Variants in ATP6V0D2 observed in about 807,000 individuals in gnomAD.
ATP6V0D2 encodes ATPase H+ transporting V0 subunit d2.
A neutral mutation model predicts 40.0 loss-of-function variants in ATP6V0D2; 40 were observed. That is an observed-to-expected ratio of 1.00 (90% CI 0.78 to 1.30). The LOEUF (loss-of-function observed/expected upper bound fraction) is 1.30, where lower values mean the gene tolerates loss of function less well. Among genes scored for constraint, ATP6V0D2 ranks in the 50% most tolerant of loss-of-function variants. The probability of loss-of-function intolerance (pLI) is 0.00; values close to 1 mark genes in which losing one functional copy is unlikely to be tolerated. For synonymous variants in ATP6V0D2, 179 were observed against 156.3 expected (o/e 1.15, Z -1.08); for missense variants, 470 against 423.1 (o/e 1.11, Z -0.97).
chr8:86,135,965 T>C (rs1172661154), intron 2 of ATP6V0D2, among the ~76,000 whole-genome samples: 1 of 152,182 alleles, frequency 6.6e-6, no homozygotes, highest in East Asian at 1.9e-4. Flanking sequence ...GGTTACATTA[T>C]GTCCCTGTCA....
chr8:86,133,327 T>G (rs1429320806), intron 2 of ATP6V0D2, among the ~76,000 whole-genome samples: 2 of 141,070 alleles, frequency 1.4e-5, no homozygotes, highest in East Asian at 4.1e-4. Context: ...TTTTTTTTTT[T>G]TTTTTTTTTT....
intron 2 of ATP6V0D2, among the ~76,000 whole-genome samples, chr8:86,126,176 A>C (rs1271795963): frequency 1.4e-5 from 2 of 143,998 alleles, no homozygotes; most frequent in African/African-American, 5.0e-5. Context: ...ACCTCAAGTG[A>C]GCCACCTGCC....
At chr8:86,133,066 G>A (rs772483527) in intron 2 of ATP6V0D2, among the ~76,000 whole-genome samples, 9 of 152,162 alleles carry the variant, frequency 5.9e-5, no homozygotes, top group African/African-American at 1.2e-4. Context: ...AAGTATTGGC[G>A]TCTTGGAGGA....
At chr8:86,150,018 C>A (rs1172084845) in intron 5 of ATP6V0D2, 94 bp from the exon 6 acceptor site, 2 of 1,186,422 alleles carry the variant, frequency 1.7e-6, no homozygotes, top group African/African-American at 3.1e-5. Flanking sequence ...GAAAGGAAAG[C>A]GAATCATTTC....
intron 2 of ATP6V0D2, among the ~76,000 whole-genome samples, chr8:86,126,128 G>A (rs1422992562): frequency 6.7e-6 from 1 of 148,602 alleles, no homozygotes; most frequent in Non-Finnish European, 1.5e-5. Context: ...ATAGAGACTG[G>A]GTTTTGCCAT....
At chr8:86,103,906 A>C (rs997530477) in intron 1 of ATP6V0D2, among the ~76,000 whole-genome samples, 1 of 152,028 alleles carries the variant, frequency 6.6e-6, no homozygotes, top group Non-Finnish European at 1.5e-5. Context: ...GCTCACTGCA[A>C]CCTCTGCCTC....
rs564183856 is a variant in ATP6V0D2 at position 86,112,492 on chromosome 8, A to G, written c.131-1217A>G. Among the ~76,000 whole-genome samples, 3 of 152,332 alleles carry G rather than the reference A, an allele frequency of 2.0e-5. No individual in the cohort carries two copies. In the South Asian group the frequency reaches 6.2e-4, roughly 32 times the overall value. On this transcript the variant is annotated intron_variant, in intron 1 of 7. Coordinates refer to ENST00000285393, the MANE Select transcript of ATP6V0D2 (RefSeq NM_152565.1). ...AGTGTTCTTATCTGTACAAAGGCAT[A>G]GAAATCATTTTTACCTCATAAAATT... is the stretch of plus-strand genomic sequence containing the variant.
intron 1 of ATP6V0D2, among the ~76,000 whole-genome samples, chr8:86,103,903 G>A (rs1818434127): frequency 6.6e-6 from 1 of 152,208 alleles, no homozygotes; most frequent in Non-Finnish European, 1.5e-5. Flanking sequence ...TCGGCTCACT[G>A]CAACCTCTGC....
In ATP6V0D2 at chr8:86,145,263, A is replaced by T. The variant is rs200704498; in HGVS notation, c.639+2309A>T. ...AGAGAGAGAGAGAGAGAGAGAAAGA[A>T]AGAAAGAAAGAAAGAAAGAAAGAAA... On this transcript the variant is annotated intron_variant, in intron 5 of 7. Transcript: ENST00000285393. 9.4e-4 allele frequency among the ~76,000 whole-genome samples: 53 copies of T among 56,514 alleles called. 1 individual carries two copies. Among genetic ancestry groups the T allele is most frequent in the African/African-American group, 2.4e-3 (51 of 20,944 alleles). 37.1% of individuals were successfully genotyped at this position (56,514 alleles called of 152,430 possible). A position where few individuals can be genotyped will look rare whatever the true frequency, so the allele number is the denominator to read the frequency against.
chr8:86,138,102 C>T (rs539610789), intron 2 of ATP6V0D2, among the ~76,000 whole-genome samples: 49 of 152,272 alleles, frequency 3.2e-4, no homozygotes, highest in Non-Finnish European at 5.6e-4. Context: ...CAGCCCCAGC[C>T]CCAGCTCCAG....
At chr8:86,116,089 G>T (rs1484361817) in intron 2 of ATP6V0D2, among the ~76,000 whole-genome samples, 5 of 152,152 alleles carry the variant, frequency 3.3e-5, no homozygotes, top group Admixed American at 2.6e-4. Flanking sequence ...AAAAAGAAAA[G>T]TAATTAAGGG....
At chr8:86,101,254 T>C (rs911369512) in intron 1 of ATP6V0D2, among the ~76,000 whole-genome samples, 1 of 150,028 alleles carries the variant, frequency 6.7e-6, no homozygotes. Context: ...AGGCCAGGAG[T>C]TCAAGACCAG....
chr8:86,112,872 C>T (rs970099821), intron 1 of ATP6V0D2, among the ~76,000 whole-genome samples: 9 of 152,140 alleles, frequency 5.9e-5, no homozygotes, highest in Non-Finnish European at 8.8e-5. Context: ...GGGGACTAAT[C>T]GCCTACTTCA....
At chr8:86,100,216 T>A (rs529168788) in intron 1 of ATP6V0D2, among the ~76,000 whole-genome samples, 68 of 140,564 alleles carry the variant, frequency 4.8e-4, no homozygotes, top group African/African-American at 1.7e-3. Flanking sequence ...CTAAACCACA[T>A]TTTTTTTTTC....
At chr8:86,145,413 G>C (rs185090823) in intron 5 of ATP6V0D2, among the ~76,000 whole-genome samples, 10 of 151,786 alleles carry the variant, frequency 6.6e-5, no homozygotes, top group African/African-American at 2.4e-4. Context: ...GAAAAGAAAA[G>C]AAAAGACGAG....
Position 86,150,289 on chromosome 8 carries a change from G to A in ATP6V0D2, c.816+1G>A. 1.2e-6 allele frequency: 2 copies of A among 1,612,140 alleles called. No individual in the cohort carries two copies. Among genetic ancestry groups the A allele is most frequent in the Non-Finnish European group, 1.7e-6 (2 of 1,178,872 alleles). ...GAAGAACGTAGCGGATCATTACGGA[G>A]TATGTGATGACACTGGCTTCCCTAA... On this transcript the variant is annotated splice_donor_variant, in intron 6 of 7. Transcript: ENST00000285393. LOFTEE classifies it high-confidence loss of function.
chr8:86,145,756 G>A (rs747461681), intron 5 of ATP6V0D2, among the ~76,000 whole-genome samples: 13 of 152,068 alleles, frequency 8.5e-5, no homozygotes, highest in Non-Finnish European at 1.6e-4. Context: ...CATAATTCTT[G>A]TGGTTTGGAA....
intron 2 of ATP6V0D2, among the ~76,000 whole-genome samples, chr8:86,122,184 T>C (rs1208503637): frequency 6.6e-6 from 1 of 152,196 alleles, no homozygotes; most frequent in Non-Finnish European, 1.5e-5. Flanking sequence ...TTTTTAAAAA[T>C]AATCTCTCAA....
At chr8:86,117,763 G>A (rs1385447176) in intron 2 of ATP6V0D2, among the ~76,000 whole-genome samples, 1 of 152,170 alleles carries the variant, frequency 6.6e-6, no homozygotes, top group Admixed American at 6.5e-5. Flanking sequence ...AAATACGGTA[G>A]AATTTGGCAA....
Sources: gnomAD v4.1 joint callset for allele counts (sites outside exome capture counted in the v4.1 genomes callset) on GRCh38, gnomAD v4.1.1 for gene constraint, MANE v1.5 for transcripts, NCBI Gene and HGNC (gene_info 2026-07-23, HGNC 2026-07-21) for gene names.